ZNF627: variants seen among roughly 807,000 people sequenced by gnomAD.
ZNF627 encodes zinc finger protein 627.
In ZNF627, 12 loss-of-function variants were observed where a neutral mutation model predicts 10.6. The ratio of observed to expected loss-of-function variants is 1.13; its 90% CI spans 0.73 to 1.84. The LOEUF (loss-of-function observed/expected upper bound fraction) is 1.84, where lower values mean the gene tolerates loss of function less well. Ranked by LOEUF, ZNF627 falls within the 40% of genes most tolerant of loss-of-function variation. ZNF627 has a pLI of 0.00. For synonymous variants in ZNF627, 176 were observed against 187.1 expected (o/e 0.94, Z 0.48); for missense variants, 504 against 568.4 (o/e 0.89, Z 1.15).
At chr19:11,615,367 G>A (rs945609122) in intron 3 of ZNF627, among the ~76,000 whole-genome samples, 3 of 151,138 alleles carry the variant, frequency 2.0e-5, no homozygotes, top group East Asian at 2.0e-4. Flanking sequence ...TTGGGAGGCT[G>A]AGGTGGGCAG....
At chr19:11,614,229 T>G (rs559200407) in intron 1 of ZNF627, among the ~76,000 whole-genome samples, 1 of 152,324 alleles carries the variant, frequency 6.6e-6, no homozygotes, top group Non-Finnish European at 1.5e-5. Flanking sequence ...CACTACATGT[T>G]TGTTACAACA....
chr19:11,600,415 G>A (rs1189335051), intron 1 of ZNF627, among the ~76,000 whole-genome samples: 1 of 152,080 alleles, frequency 6.6e-6, no homozygotes, highest in African/African-American at 2.4e-5. Context: ...ACTGCAGCCT[G>A]GGCAACAGAG....
Position 11,612,118 on chromosome 19 carries a change from C to CTTTTTTTT in ZNF627, c.4-2396_4-2389dup, listed in dbSNP as rs533449447. Among the ~76,000 whole-genome samples, 20 of 91,718 alleles carry CTTTTTTTT rather than the reference C, an allele frequency of 2.2e-4. 1 individual carries two copies. The highest frequency in any genetic ancestry group is 3.1e-4 in the Non-Finnish European group (15 of 48,666). 60.2% of individuals were successfully genotyped at this position (91,718 alleles called of 152,430 possible). ...TGTATGTAAGTTAAGGGTCCAACTG[C>CTTTTTTTT]TTTTTTTTTTTTTTTTTTTTGAGAT... On this transcript the variant is annotated intron_variant, in intron 1 of 3. Coordinates refer to ENST00000361113, the MANE Select transcript of ZNF627 (RefSeq NM_145295.4).
chr19:11,609,471 T>TTATATATATATATATA lies in ZNF627; in HGVS notation c.4-5024_4-5009dup, dbSNP rs1168205815. ...TTCCTGGGTAGTCTTTTAAAAAATT[T>TTATATATATATATATA]TATATATATATATATATATATATAT... is the stretch of plus-strand genomic sequence containing the variant. On this transcript the variant is annotated intron_variant, in intron 1 of 3. Transcript: ENST00000361113. Among the ~76,000 whole-genome samples the TTATATATATATATATA allele has an allele frequency of 6.5e-4, 35 of 53,922 alleles. 1 individual carries two copies. Among genetic ancestry groups the TTATATATATATATATA allele is most frequent in the Non-Finnish European group, 1.4e-3 (27 of 19,644 alleles). 35.4% of individuals were successfully genotyped at this position (53,922 alleles called of 152,430 possible).
intron 1 of ZNF627, among the ~76,000 whole-genome samples, chr19:11,613,192 C>T (rs1305997950): frequency 1.5e-5 from 1 of 65,228 alleles, no homozygotes; most frequent in African/African-American, 5.9e-5. Flanking sequence ...TTTTCCTTTC[C>T]TGACATAGGG....
At chr19:11,613,877 G>A (rs1406165835) in intron 1 of ZNF627, among the ~76,000 whole-genome samples, 1 of 151,154 alleles carries the variant, frequency 6.6e-6, no homozygotes, top group African/African-American at 2.4e-5. Context: ...GTCTCAGGGT[G>A]GCTAATGTTA....
chr19:11,618,046 A>C lies in ZNF627; in HGVS notation c.*157A>C, dbSNP rs1047798897. ...AATTACGAGAGACTTGTGATAGGAC[A>C]GTAAAACCTAGAGTTGGAGTTGGAT... On this transcript the variant is annotated 3_prime_UTR_variant, in exon 4 of 4. Transcript: ENST00000361113. The C allele has an allele frequency of 1.7e-6, 1 of 579,052 alleles. No individual in the cohort carries two copies. Among genetic ancestry groups the C allele is most frequent in the Non-Finnish European group, 2.8e-6 (1 of 353,086 alleles). The allele number at this position is 579,052 out of a possible 1,614,324, so 35.9% of individuals were successfully genotyped here.
At position 11,614,624 on chromosome 19, in the gene ZNF627, G is replaced by A. The variant is rs370903405; in HGVS notation, c.101G>A (p.Arg34Gln). 134 of 1,613,844 alleles carry A rather than the reference G, an allele frequency of 8.3e-5. No homozygotes were observed. The highest frequency in any genetic ancestry group is 1.0e-4 in the Non-Finnish European group (119 of 1,179,970). ...SQKNLYRDVM[R>Q]ETFRNLASVG... is the part of the protein sequence containing the mutation. ...AAGAATCTCTACAGGGATGTGATGC[G>A]GGAAACCTTCAGGAACCTGGCTTCT... Residue 34 changes from arginine (R) to glutamine (Q), a missense_variant, in exon 2 of 4, where the codon CGG (arginine) becomes CAG (glutamine). Arg to Gln is a conservative substitution (Grantham distance 43, BLOSUM62 1). Coordinates refer to ENST00000361113, the MANE Select transcript of ZNF627 (RefSeq NM_145295.4).
chr19:11,607,095 T>C (rs1207960422), intron 1 of ZNF627, among the ~76,000 whole-genome samples: 1 of 152,214 alleles, frequency 6.6e-6, no homozygotes, highest in African/African-American at 2.4e-5. Flanking sequence ...CACAAATTTC[T>C]GTAGCTGGTT....
At chr19:11,601,756 C>T (rs1973588694) in intron 1 of ZNF627, among the ~76,000 whole-genome samples, 2 of 151,608 alleles carry the variant, frequency 1.3e-5, no homozygotes, top group Non-Finnish European at 2.9e-5. Context: ...GTCTGTAATC[C>T]ATGCACTTTG....
chr19:11,602,885 T>C (rs1246561511), intron 1 of ZNF627, among the ~76,000 whole-genome samples: 1 of 152,118 alleles, frequency 6.6e-6, no homozygotes, highest in Non-Finnish European at 1.5e-5. Flanking sequence ...GTGGGTTGTG[T>C]GAAACACCTG....
chr19:11,606,505 G>C (rs1973677761), intron 1 of ZNF627, among the ~76,000 whole-genome samples: 1 of 152,192 alleles, frequency 6.6e-6, no homozygotes, highest in Non-Finnish European at 1.5e-5. Flanking sequence ...CTGAGTGTCT[G>C]TGGCTTTTCC....
Position 11,597,589 on chromosome 19 carries a change from A to C in ZNF627, c.-39A>C, listed in dbSNP as rs369328664. 1.5e-6 allele frequency: 2 copies of C among 1,323,410 alleles called. No homozygotes were observed. The highest frequency in any genetic ancestry group is 1.9e-6 in the Non-Finnish European group (2 of 1,028,094). The allele number at this position is 1,323,410 out of a possible 1,614,324, so 82.0% of individuals were successfully genotyped here. On this transcript the variant is annotated 5_prime_UTR_variant, in exon 1 of 4. Transcript: ENST00000361113. ...CGCCGTGACCTGTACAGGTCGCGGG[A>C]GTCGTAGGGAGGACGCCGGGACACC... is the stretch of plus-strand genomic sequence containing the variant.
At chr19:11,599,434 G>A (rs1444923324) in intron 1 of ZNF627, among the ~76,000 whole-genome samples, 5 of 152,188 alleles carry the variant, frequency 3.3e-5, no homozygotes, top group Non-Finnish European at 7.3e-5. Flanking sequence ...TTAGACTGGT[G>A]AAGTGAGAAA....
intron 1 of ZNF627, among the ~76,000 whole-genome samples, chr19:11,612,718 G>T (rs1367656066): frequency 6.6e-6 from 1 of 152,004 alleles, no homozygotes; most frequent in East Asian, 1.9e-4. Flanking sequence ...ACCTTGCCGG[G>T]CCTCAACTGC....
intron 1 of ZNF627, among the ~76,000 whole-genome samples, chr19:11,608,702 C>CT (rs968074667): frequency 2.0e-5 from 3 of 151,616 alleles, no homozygotes; most frequent in Admixed American, 6.6e-5. Flanking sequence ...TTTATTTTCA[C>CT]TTTTTTTTGG....
chr19:11,602,984 G>T (rs994159755), intron 1 of ZNF627, among the ~76,000 whole-genome samples: 2 of 152,110 alleles, frequency 1.3e-5, no homozygotes, highest in South Asian at 2.1e-4. Flanking sequence ...AGGTGACCAG[G>T]TCCTCATTTT....
intron 1 of ZNF627, 72 bp from the exon 2 acceptor site, chr19:11,614,455 T>C (rs1973831020): frequency 3.1e-6 from 5 of 1,596,294 alleles, no homozygotes; most frequent in African/African-American, 2.7e-5. Context: ...TGAGAACTTC[T>C]TGGGAATAAA....
intron 1 of ZNF627, among the ~76,000 whole-genome samples, chr19:11,610,145 G>A (rs1029319242): frequency 6.7e-6 from 1 of 149,574 alleles, no homozygotes; most frequent in Admixed American, 6.8e-5. Context: ...TCCGCCTCCC[G>A]GGTTCAAGCA....
Sources: allele counts gnomAD v4.1 joint callset (sites outside exome capture counted in the v4.1 genomes callset), GRCh38; gene constraint gnomAD v4.1.1; transcripts MANE v1.5; gene names NCBI Gene and HGNC (gene_info 2026-07-23, HGNC 2026-07-21).